Variants in LINGO2 observed in about 807,000 individuals in gnomAD.
LINGO2 encodes the protein leucine-rich repeat and immunoglobulin-like domain-containing nogo receptor-interacting protein 2.
LINGO2 carries 14 observed loss-of-function variants against 30.6 expected under a neutral mutation model. The observed-to-expected ratio is 0.46, with a 90% CI of 0.30 to 0.72. LINGO2 has a LOEUF of 0.72. Ranked by LOEUF, LINGO2 falls within the 30% of genes least tolerant of loss-of-function variation. The probability of loss-of-function intolerance (pLI) is 0.07; values close to 1 mark genes in which losing one functional copy is unlikely to be tolerated. For missense variants in LINGO2, 729 were observed against 751.7 expected, an observed-to-expected ratio of 0.97 and a Z score of 0.35; for synonymous variants, 317 against 288.5, an observed-to-expected ratio of 1.10 and a Z score of -1.00.
At chr9:28,136,184 A>T (rs1827512382) in intron 4 of LINGO2, among the ~76,000 whole-genome samples, 1 of 152,190 alleles carries the variant, frequency 6.6e-6, no homozygotes, top group Non-Finnish European at 1.5e-5. Flanking sequence ...TAATTATAGA[A>T]TTTTTACAAA....
intron 2 of LINGO2, among the ~76,000 whole-genome samples, chr9:28,421,765 A>G (rs530888923): frequency 6.6e-6 from 1 of 152,228 alleles, no homozygotes; most frequent in East Asian, 1.9e-4. Context: ...TCAAGGGTCA[A>G]CTATACCAAG....
the LINGO2 span, among the ~76,000 whole-genome samples, chr9:29,031,309 TTCTC>T: frequency 6.6e-6 from 1 of 151,828 alleles, no homozygotes; most frequent in Admixed American, 6.6e-5. Context: ...TTAGAGATGA[TTCTC>T]TCTCTGTCGC....
chr9:28,809,712 C>T, the LINGO2 span, among the ~76,000 whole-genome samples: 1 of 147,696 alleles, frequency 6.8e-6, no homozygotes, highest in Non-Finnish European at 1.5e-5. Flanking sequence ...TGCCATTGTA[C>T]TCCAGCCCGG....
chr9:28,837,892 C>T, the LINGO2 span, among the ~76,000 whole-genome samples: 63 of 151,082 alleles, frequency 4.2e-4, 2 homozygotes, highest in African/African-American at 1.5e-3. Context: ...AATGTGATTT[C>T]CAGAAAAAGT....
At chr9:28,308,676 T>C (rs1236057110) in intron 3 of LINGO2, among the ~76,000 whole-genome samples, 3 of 148,884 alleles carry the variant, frequency 2.0e-5, no homozygotes, top group Non-Finnish European at 3.0e-5. Flanking sequence ...TTTTGCAACC[T>C]ACTCATCTGA....
At chr9:28,539,268 T>C (rs1338683364) in intron 1 of LINGO2, among the ~76,000 whole-genome samples, 3 of 152,142 alleles carry the variant, frequency 2.0e-5, no homozygotes, top group African/African-American at 7.2e-5. Flanking sequence ...GAATGGTAGA[T>C]ATTTGTGGTA....
At chr9:28,449,047 G>A (rs184466898) in intron 2 of LINGO2, among the ~76,000 whole-genome samples, 1 of 149,556 alleles carries the variant, frequency 6.7e-6, no homozygotes, top group East Asian at 1.9e-4. Context: ...GTGTGTGTGT[G>A]TGTGTGTGTG....
the LINGO2 span, among the ~76,000 whole-genome samples, chr9:28,805,777 C>T: frequency 1.3e-5 from 2 of 151,924 alleles, no homozygotes; most frequent in African/African-American, 4.8e-5. Flanking sequence ...ATTGAATCCT[C>T]TAGGTAATGA....
the LINGO2 span, among the ~76,000 whole-genome samples, chr9:28,708,066 AAATT>A: frequency 6.6e-6 from 1 of 152,262 alleles, no homozygotes; most frequent in Admixed American, 6.5e-5. Context: ...CAAGTAAACA[AAATT>A]CACAATTCTA....
At chr9:28,752,027 G>C in the LINGO2 span, among the ~76,000 whole-genome samples, 2 of 151,906 alleles carry the variant, frequency 1.3e-5, no homozygotes, top group Non-Finnish European at 2.9e-5. Flanking sequence ...TTATATTCAA[G>C]AAAGAATAGT....
the LINGO2 span, among the ~76,000 whole-genome samples, chr9:29,211,239 G>A: frequency 6.6e-6 from 1 of 152,064 alleles, no homozygotes; most frequent in Non-Finnish European, 1.5e-5. Context: ...ATTACCGGCT[G>A]ACAGACACGG....
the LINGO2 span, among the ~76,000 whole-genome samples, chr9:28,918,622 T>C: frequency 6.6e-6 from 1 of 152,196 alleles, no homozygotes; most frequent in African/African-American, 2.4e-5. Flanking sequence ...TGACACAGGA[T>C]TATTTAATTT....
the LINGO2 span, among the ~76,000 whole-genome samples, chr9:28,877,426 G>C: frequency 6.6e-6 from 1 of 152,076 alleles, no homozygotes; most frequent in Non-Finnish European, 1.5e-5. Flanking sequence ...ATTAATTTTT[G>C]TATAAGGTGT....
Position 28,491,999 on chromosome 9 carries a change from G to A in LINGO2, c.-364-15974C>T, listed in dbSNP as rs565356464. On this transcript the variant is annotated intron_variant, in intron 1 of 5. Coordinates refer to ENST00000379992, the Ensembl canonical transcript of LINGO2. Reference sequence around the variant, plus strand: ...CAAATGTATCAAATTATTATAAAGAGGAGATAGATCTTTCTAGTACTAAGC... The same window carrying A: ...CAAATGTATCAAATTATTATAAAGAAGAGATAGATCTTTCTAGTACTAAGC... 2.6e-5 allele frequency among the ~76,000 whole-genome samples: 4 copies of A among 152,292 alleles called. No homozygotes were observed. In the South Asian group the frequency reaches 8.3e-4, roughly 32 times the overall value.
chr9:28,055,847 AACTT>A (rs1461112221), intron 4 of LINGO2, among the ~76,000 whole-genome samples: 6 of 152,156 alleles, frequency 3.9e-5, no homozygotes, highest in African/African-American at 1.2e-4. Context: ...GTCTGTTCAC[AACTT>A]ACTTTGGTTT....
At chr9:29,189,124 G>A in the LINGO2 span, among the ~76,000 whole-genome samples, 1 of 121,952 alleles carries the variant, frequency 8.2e-6, no homozygotes, top group Admixed American at 8.9e-5. Flanking sequence ...TCCCGGACGG[G>A]GCGGCTGGCC....
At chr9:28,527,018 A>G (rs1044346117) in intron 1 of LINGO2, among the ~76,000 whole-genome samples, 2 of 152,188 alleles carry the variant, frequency 1.3e-5, no homozygotes, top group Admixed American at 1.3e-4. Flanking sequence ...CACATTTTTA[A>G]TTGACTCTAA....
chr9:29,163,852 C>G, the LINGO2 span, among the ~76,000 whole-genome samples: 2 of 152,072 alleles, frequency 1.3e-5, no homozygotes, highest in South Asian at 4.1e-4. Context: ...ACAGTACCTC[C>G]CATCTTACAT....
chr9:27,942,539 G>A, the LINGO2 span: 4 of 152,086 alleles, frequency 2.6e-5, no homozygotes, highest in African/African-American at 2.4e-5. Flanking sequence ...AATAGCTAAA[G>A]AGATGCAAAC....
Sources: allele counts gnomAD v4.1 joint callset (sites outside exome capture counted in the v4.1 genomes callset), GRCh38; gene constraint gnomAD v4.1.1; transcripts MANE v1.5; gene names NCBI Gene and HGNC (gene_info 2026-07-23, HGNC 2026-07-21).